CCKBR: variants seen among roughly 807,000 people sequenced by gnomAD.
The protein encoded by CCKBR is gastrin/cholecystokinin type B receptor.
Under a neutral mutation model 34.6 loss-of-function variants are expected in CCKBR, and 33 were observed. That is an observed-to-expected ratio of 0.95 (90% CI 0.72 to 1.27). The LOEUF is 1.27. Among genes scored for constraint, CCKBR ranks in the 50% most tolerant of loss-of-function variants. The pLI is 0.00. For missense variants in CCKBR, 652 were observed against 617.4 expected, an observed-to-expected ratio of 1.06 and a Z score of -0.59; for synonymous variants, 269 against 267.5, an observed-to-expected ratio of 1.01 and a Z score of -0.06.
At chr11:6,266,379 C>T (rs977853753) in intron 1 of CCKBR, among the ~76,000 whole-genome samples, 7 of 152,132 alleles carry the variant, frequency 4.6e-5, no homozygotes, top group South Asian at 2.1e-4. Flanking sequence ...ATTCTAGCTA[C>T]TCAGGAGGCT....
chr11:6,269,699 A>C lies in CCKBR; in HGVS notation c.182A>C (p.Tyr61Ser). Residue 61 changes from tyrosine to serine, a missense_variant, in exon 2 of 5, where the codon TAC (tyrosine) becomes TCC (serine). By Grantham distance (144) the Tyr-to-Ser change is moderately radical. Transcript: ENST00000334619. Reference sequence around the variant, plus strand: ...GAGCTGGCCATTAGAATCACTCTTTACGCAGTGATCTTCCTGATGAGCGTT... The same window carrying C: ...GAGCTGGCCATTAGAATCACTCTTTCCGCAGTGATCTTCCTGATGAGCGTT... The part of the protein sequence containing the change: ...ELELAIRITL[Y>S]AVIFLMSVGG... The C allele has an allele frequency of 6.2e-7, 1 of 1,613,906 alleles. No homozygotes were observed. The highest frequency in any genetic ancestry group is 8.5e-7 in the Non-Finnish European group (1 of 1,180,002).
At chr11:6,269,198 G>A (rs1454983934) in intron 1 of CCKBR, among the ~76,000 whole-genome samples, 1 of 145,756 alleles carries the variant, frequency 6.9e-6, no homozygotes, top group Non-Finnish European at 1.5e-5. Flanking sequence ...ATAAAGACAT[G>A]ATCTGATGTG....
At position 6,271,460 on chromosome 11, in the gene CCKBR, C is replaced by T; in HGVS notation, c.1261C>T (p.Pro421Ser). ...TCCACGAGCTCGCCCCAGGGCTCTTCCCGATGAGGACCCTCCCACTCCCTC... is the reference window on the plus strand; with the variant it reads ...TCCACGAGCTCGCCCCAGGGCTCTTTCCGATGAGGACCCTCCCACTCCCTC... Reference protein sequence around the residue: ...RPPRARPRALPDEDPPTPSIA... With the variant: ...RPPRARPRALSDEDPPTPSIA... Residue 421 changes from proline (P) to serine (S), a missense_variant, in exon 5 of 5, where the codon CCC becomes TCC. Pro to Ser is a moderately conservative substitution (Grantham distance 74). Transcript: ENST00000334619. 2.5e-6 allele frequency: 4 copies of T among 1,613,238 alleles called. No individual in the cohort carries two copies. Among genetic ancestry groups the T allele is most frequent in the Non-Finnish European group, 3.4e-6 (4 of 1,180,012 alleles).
intron 1 of CCKBR, among the ~76,000 whole-genome samples, chr11:6,268,592 C>G (rs1848243053): frequency 6.6e-6 from 1 of 152,200 alleles, no homozygotes; most frequent in African/African-American, 2.4e-5. Flanking sequence ...CTTATCACAT[C>G]TGTTTATGTA....
intron 1 of CCKBR, among the ~76,000 whole-genome samples, chr11:6,265,020 A>G (rs1848191181): frequency 6.6e-6 from 1 of 152,220 alleles, no homozygotes; most frequent in African/African-American, 2.4e-5. Context: ...ACAAATGTAT[A>G]ATGGCATGTA....
chr11:6,265,103 C>T (rs540085539), intron 1 of CCKBR, among the ~76,000 whole-genome samples: 94 of 152,338 alleles, frequency 6.2e-4, no homozygotes, highest in African/African-American at 2.1e-3. Context: ...ATTTATCCCT[C>T]GCTCTGCCTC....
rs555597312 is a variant in CCKBR, at chr11:6,266,155, A to G, written c.152-3514A>G. On this transcript the variant is annotated intron_variant, in intron 1 of 4. Coordinates refer to ENST00000334619, the MANE Select transcript of CCKBR (RefSeq NM_176875.4). ...TGAAAAATGCCATGGTTGAGTATAG[A>G]GAGAGGGAGAAAGAGGCATTTAGAT... Among the ~76,000 whole-genome samples the G allele has an allele frequency of 3.3e-5, 5 of 152,264 alleles. No individual in the cohort carries two copies. In the South Asian group the frequency reaches 1.0e-3, roughly 32 times the overall value.
In CCKBR at chr11:6,270,769, C is replaced by G. The variant is rs906537966; in HGVS notation, c.777C>G (p.Ser259Arg). 1 of 1,614,182 alleles carries G rather than the reference C, an allele frequency of 6.2e-7. No homozygotes were observed. The highest frequency in any genetic ancestry group is 1.3e-5 in the African/African-American group (1 of 75,070). Residue 259 changes from serine to arginine, a missense_variant, in exon 4 of 5, where the codon AGC becomes AGG. Coordinates refer to ENST00000334619, the MANE Select transcript of CCKBR (RefSeq NM_176875.4). ...LRFDGDSDSD[S>R]QSRVRNQGGL... Reference sequence around the variant, plus strand: ...TTGACGGCGACAGTGACAGCGACAGCCAAAGCAGGGTCCGAAACCAAGGCG... The same window carrying G: ...TTGACGGCGACAGTGACAGCGACAGGCAAAGCAGGGTCCGAAACCAAGGCG...
Position 6,270,831 on chromosome 11 carries a change from T to C in CCKBR, c.811+28T>C, listed in dbSNP as rs201227704. The C allele has an allele frequency of 2.7e-5, 43 of 1,613,822 alleles. 1 individual carries two copies. Among genetic ancestry groups the C allele is most frequent in the African/African-American group, 2.0e-4 (15 of 75,020 alleles). ...GGGGCTGGACCACGTGAGCAAAATC[T>C]GGGCGAGGCGGAGCTTTGGAGGGCG... On this transcript the variant is annotated intron_variant, in intron 4 of 4. Transcript: ENST00000334619.
intron 1 of CCKBR, chr11:6,264,627 C>A (rs1238231860): frequency 1.5e-6 from 1 of 680,076 alleles, no homozygotes. Flanking sequence ...TGGATGTACC[C>A]CAGCAGGTGC....
At chr11:6,261,749 A>T (rs1848137102) in intron 1 of CCKBR, among the ~76,000 whole-genome samples, 1 of 152,200 alleles carries the variant, frequency 6.6e-6, no homozygotes, top group East Asian at 1.9e-4. Context: ...CGAGGGCAAT[A>T]GGAACTACTA....
intron 1 of CCKBR, among the ~76,000 whole-genome samples, chr11:6,261,454 A>AT (rs1554918944): frequency 0.024 from 1,428 of 60,724 alleles, 139 homozygotes; most frequent in African/African-American, 0.047. Context: ...AAAAAAAAAA[A>AT]ATATATATAC....
At chr11:6,262,629 A>G (rs1366996343) in intron 1 of CCKBR, among the ~76,000 whole-genome samples, 1 of 150,768 alleles carries the variant, frequency 6.6e-6, no homozygotes, top group Non-Finnish European at 1.5e-5. Flanking sequence ...AGAAGGAGTT[A>G]TGAGAAGTGA....
chr11:6,269,636 C>G, intron 1 of CCKBR, 33 bp from the exon 2 acceptor site: 3 of 1,604,642 alleles, frequency 1.9e-6, no homozygotes, highest in Non-Finnish European at 2.5e-6. Context: ...GAAGGCTGAC[C>G]CCCTACTGCC....
chr11:6,265,985 T>C (rs1848203713), intron 1 of CCKBR, among the ~76,000 whole-genome samples: 1 of 152,142 alleles, frequency 6.6e-6, no homozygotes, highest in Non-Finnish European at 1.5e-5. Flanking sequence ...CAAGATTCAT[T>C]AACAAGCATG....
intron 1 of CCKBR, among the ~76,000 whole-genome samples, chr11:6,268,460 T>G (rs1351990576): frequency 6.6e-6 from 1 of 152,192 alleles, no homozygotes; most frequent in Non-Finnish European, 1.5e-5. Context: ...GTCCAAAGAT[T>G]AATCCATCTT....
At chr11:6,265,738 C>A (rs1848200124) in intron 1 of CCKBR, among the ~76,000 whole-genome samples, 1 of 152,200 alleles carries the variant, frequency 6.6e-6, no homozygotes, top group African/African-American at 2.4e-5. Flanking sequence ...TCCTTCCTTA[C>A]AGAGAGAGGC....
intron 1 of CCKBR, among the ~76,000 whole-genome samples, chr11:6,269,150 ATTTTTTTT>A (rs540603471): frequency 3.5e-4 from 15 of 43,248 alleles, no homozygotes; most frequent in African/African-American, 7.8e-4. Flanking sequence ...TAAGTGAAGT[ATTTTTTTT>A]TTTTTTTTTT....
intron 3 of CCKBR, 139 bp downstream of exon 3, chr11:6,270,476 C>A: frequency 7.1e-7 from 1 of 1,402,642 alleles, no homozygotes; most frequent in Non-Finnish European, 9.7e-7. Context: ...CCCTGGAGTT[C>A]CAGTTTGGGG....
Sources: gnomAD v4.1 joint callset for allele counts (sites outside exome capture counted in the v4.1 genomes callset) on GRCh38, gnomAD v4.1.1 for gene constraint, MANE v1.5 for transcripts, NCBI Gene and HGNC (gene_info 2026-07-23, HGNC 2026-07-21) for gene names.